ADCY9: variants seen among roughly 807,000 people sequenced by gnomAD.
ADCY9 encodes adenylate cyclase 9.
A neutral mutation model predicts 101.5 loss-of-function variants in ADCY9; 50 were observed. The ratio of observed to expected loss-of-function variants is 0.49; its 90% confidence interval spans 0.39 to 0.62. The LOEUF is 0.62. ADCY9 is among the 20% of genes least tolerant of loss of function. ADCY9 has a pLI of 0.00. For synonymous variants in ADCY9, 905 were observed against 769.3 expected, an observed-to-expected ratio of 1.18 and a Z score of -2.92; for missense variants, 1,662 against 1,800.4, an observed-to-expected ratio of 0.92 and a Z score of 1.39.
At position 4,021,612 on chromosome 16, in the gene ADCY9, C is replaced by G. The variant is rs2056477632; in HGVS notation, c.1694-14054G>C. ...GCCTGCCCCCTGCTTCTGGGCTCCA[C>G]CAGCAGCCTGGGAGGCCACCCCCTG... On this transcript the variant is annotated intron_variant, in intron 2 of 10. Transcript: ENST00000294016. Among the ~76,000 whole-genome samples, 3 of 152,250 alleles carry G rather than the reference C, an allele frequency of 2.0e-5. 1 individual carries two copies. In the South Asian group the frequency reaches 6.2e-4, roughly 31 times the overall value.
intron 2 of ADCY9, among the ~76,000 whole-genome samples, chr16:4,103,197 T>C (rs1167942356): frequency 6.6e-6 from 1 of 152,146 alleles, no homozygotes; most frequent in Non-Finnish European, 1.5e-5. Flanking sequence ...TTCACACACA[T>C]GAGAATGCGT....
chr16:4,029,822 G>C (rs10775349), intron 2 of ADCY9, among the ~76,000 whole-genome samples: 108,050 of 152,154 alleles, frequency 0.71, 43,621 homozygotes, highest in East Asian at 0.95. Context: ...AAATGTGTAA[G>C]AAAGCTGAAC....
chr16:3,954,304 T>C (rs565530251), intron 5 of ADCY9, among the ~76,000 whole-genome samples: 1 of 152,142 alleles, frequency 6.6e-6, no homozygotes, highest in Non-Finnish European at 1.5e-5. Flanking sequence ...TCCCAGCCTG[T>C]CCTCTGCTCT....
intron 2 of ADCY9, among the ~76,000 whole-genome samples, chr16:4,022,657 A>AGT (rs2056486001): frequency 6.6e-6 from 1 of 151,500 alleles, no homozygotes; most frequent in South Asian, 2.1e-4. Flanking sequence ...GGCCAGAGCC[A>AGT]GTGGCTCATG....
At chr16:4,089,716 G>A (rs2056961478) in intron 2 of ADCY9, among the ~76,000 whole-genome samples, 1 of 151,974 alleles carries the variant, frequency 6.6e-6, no homozygotes, top group Non-Finnish European at 1.5e-5. Context: ...AGTCTGGGAG[G>A]CTCCCGAGAC....
At chr16:4,025,905 A>T (rs3827526) in intron 2 of ADCY9, among the ~76,000 whole-genome samples, 132,804 of 152,064 alleles carry the variant, frequency 0.87, 58,704 homozygotes, top group Non-Finnish European at 0.95. Flanking sequence ...CTGGTGTAGA[A>T]TCACTCATGA....
intron 2 of ADCY9, among the ~76,000 whole-genome samples, chr16:4,103,479 G>A (rs1325927691): frequency 1.3e-5 from 2 of 152,216 alleles, no homozygotes; most frequent in Non-Finnish European, 2.9e-5. Context: ...CTAGCCCTCA[G>A]CTTGTCCTTC....
chr16:3,991,742 C>A (rs1365992715), intron 5 of ADCY9, among the ~76,000 whole-genome samples: 12 of 122,542 alleles, frequency 9.8e-5, no homozygotes, highest in African/African-American at 3.9e-4. Context: ...GCCTGGGCAA[C>A]ACAGCAAGAC....
At chr16:4,004,987 C>T (rs542384371) in intron 3 of ADCY9, among the ~76,000 whole-genome samples, 1 of 152,104 alleles carries the variant, frequency 6.6e-6, no homozygotes, top group African/African-American at 2.4e-5. Flanking sequence ...GCATGAAACT[C>T]CTTTTACTAC....
At chr16:4,043,294 T>C (rs1317108228) in intron 2 of ADCY9, among the ~76,000 whole-genome samples, 1 of 152,170 alleles carries the variant, frequency 6.6e-6, no homozygotes, top group Non-Finnish European at 1.5e-5. Context: ...TCGTATAATG[T>C]GTTATATGTA....
chr16:4,045,457 T>TG (rs2056656177), intron 2 of ADCY9, among the ~76,000 whole-genome samples: 1 of 151,440 alleles, frequency 6.6e-6, no homozygotes, highest in Admixed American at 6.6e-5. Flanking sequence ...TAGCCAGGTG[T>TG]GGTGGCGTGT....
At chr16:4,092,702 G>C (rs906421354) in intron 2 of ADCY9, among the ~76,000 whole-genome samples, 11 of 152,080 alleles carry the variant, frequency 7.2e-5, no homozygotes, top group Admixed American at 1.3e-4. Context: ...TACACATCCT[G>C]AACGCCTGTA....
chr16:3,959,744 C>T (rs150712616), downstream of ADCY9, among the ~76,000 whole-genome samples: 78 of 152,216 alleles, frequency 5.1e-4, no homozygotes, highest in African/African-American at 1.2e-3. Flanking sequence ...CATGTATCAA[C>T]GCTGGGCACA....
chr16:3,983,825 T>C, intron 6 of ADCY9: 1 of 201,378 alleles, frequency 5.0e-6, no homozygotes, highest in South Asian at 1.0e-4. Context: ...CTCAGGAGGA[T>C]GACGCAGGAG....
intron 9 of ADCY9, among the ~76,000 whole-genome samples, chr16:3,975,837 G>C (rs912980105): frequency 6.6e-6 from 1 of 152,038 alleles, no homozygotes; most frequent in East Asian, 1.9e-4. Context: ...AAGCTTAATG[G>C]GTTTAAGATA....
chr16:4,081,164 C>T (rs964708594), intron 2 of ADCY9, among the ~76,000 whole-genome samples: 1 of 152,170 alleles, frequency 6.6e-6, no homozygotes, highest in Non-Finnish European at 1.5e-5. Flanking sequence ...AACCATCTCC[C>T]GCAGCGGGGC....
At chr16:3,996,095 T>C (rs2056284486) in intron 3 of ADCY9, among the ~76,000 whole-genome samples, 1 of 152,206 alleles carries the variant, frequency 6.6e-6, no homozygotes, top group Non-Finnish European at 1.5e-5. Flanking sequence ...GTGTGCTGGC[T>C]CACACCTGTA....
Position 3,992,733 on chromosome 16 carries a change from GGGGGTCCAGGAGAAGTATGACGA to G in ADCY9, c.1990-393_1990-371del, listed in dbSNP as rs1012064257. Among the ~76,000 whole-genome samples the G allele has an allele frequency of 6.6e-6, 1 of 152,118 alleles. No homozygotes were observed. The highest frequency in any genetic ancestry group is 2.4e-5 in the African/African-American group (1 of 41,428). On this transcript the variant is annotated intron_variant, in intron 4 of 10. Transcript: ENST00000294016. This position sits in a 1 kb window ranked among gnomAD's most constrained non-coding sequence, Gnocchi z 4.2. Reference sequence around the variant, plus strand: ...GTTCTGGGAGCAGGGTGCATGGGTCGGGGGTCCAGGAGAAGTATGACGAGGGGTCCAGGGCTGTCAGGGCACAG... The same window carrying G: ...GTTCTGGGAGCAGGGTGCATGGGTCGGGGGTCCAGGGCTGTCAGGGCACAG...
At chr16:4,078,749 G>C (rs2056884210) in intron 2 of ADCY9, among the ~76,000 whole-genome samples, 1 of 151,996 alleles carries the variant, frequency 6.6e-6, no homozygotes, top group Non-Finnish European at 1.5e-5. Context: ...TATCACGATT[G>C]AAAGACAAAT....
Sources: allele counts gnomAD v4.1 joint callset (sites outside exome capture counted in the v4.1 genomes callset), GRCh38; gene constraint gnomAD v4.1.1; non-coding constraint Gnocchi (gnomAD v3.1); transcripts MANE v1.5; gene names NCBI Gene and HGNC (gene_info 2026-07-23, HGNC 2026-07-21).